NSUN6: variants seen among roughly 807,000 people sequenced by gnomAD.
The protein encoded by NSUN6 is NOP2/Sun RNA methyltransferase 6.
A neutral mutation model predicts 58.0 loss-of-function variants in NSUN6; 64 were observed. The ratio of observed to expected loss-of-function variants is 1.10; its 90% CI spans 0.90 to 1.36. The LOEUF (loss-of-function observed/expected upper bound fraction) is 1.36, where lower values mean the gene tolerates loss of function less well. Ranked by LOEUF, NSUN6 falls within the 40% of genes most tolerant of loss-of-function variation. The pLI is 0.00. For missense variants in NSUN6, 701 were observed against 550.1 expected (o/e 1.27, Z -2.74); for synonymous variants, 231 against 193.9 (o/e 1.19, Z -1.59).
At chr10:18,571,044 T>C (rs1047115714) in intron 8 of NSUN6, among the ~76,000 whole-genome samples, 2 of 150,966 alleles carry the variant, frequency 1.3e-5, no homozygotes, top group Non-Finnish European at 3.0e-5. Context: ...CTACTTTCCA[T>C]TCCACTCTCC....
chr10:18,652,569 C>CT (rs532727978), upstream of NSUN6: 148,959 of 866,194 alleles, frequency 0.17, 539 homozygotes, highest in Non-Finnish European at 0.18. Flanking sequence ...TTTCTCTGCT[C>CT]TTTTTTTTTT....
upstream of NSUN6, chr10:18,658,455 G>A (rs1482374023): frequency 6.4e-6 from 1 of 155,196 alleles, no homozygotes; most frequent in Non-Finnish European, 1.4e-5. Flanking sequence ...ATTCAGTTTC[G>A]TTTCATGCCA....
intron 3 of NSUN6, among the ~76,000 whole-genome samples, chr10:18,639,629 G>A (rs1465512864): frequency 1.3e-5 from 2 of 151,580 alleles, no homozygotes; most frequent in Non-Finnish European, 1.5e-5. Flanking sequence ...AGGCTTCCCT[G>A]CAATAGCTCA....
chr10:18,617,891 T>C (rs1169677552), intron 3 of NSUN6, among the ~76,000 whole-genome samples: 1 of 152,188 alleles, frequency 6.6e-6, no homozygotes. Context: ...CTCTACCATG[T>C]ACAGATGCAG....
chr10:18,638,980 C>G (rs1258267470), intron 3 of NSUN6, among the ~76,000 whole-genome samples: 1 of 148,778 alleles, frequency 6.7e-6, no homozygotes, highest in Non-Finnish European at 1.5e-5. Context: ...ACTGGCCGGC[C>G]ATGGTGGCTG....
intron 8 of NSUN6, among the ~76,000 whole-genome samples, chr10:18,563,016 G>A (rs1409408118): frequency 3.3e-5 from 5 of 151,046 alleles, no homozygotes; most frequent in Admixed American, 2.7e-4. Context: ...ATGGAGAATG[G>A]AATGGAGAAT....
chr10:18,596,374 T>A, intron 6 of NSUN6, 47 bp from the exon 7 acceptor site: 1 of 1,364,032 alleles, frequency 7.3e-7, no homozygotes, highest in Non-Finnish European at 1.0e-6. Context: ...CTAAAGCATT[T>A]TTAATTTGAG....
intron 6 of NSUN6, among the ~76,000 whole-genome samples, chr10:18,604,883 C>CTT (rs1189835432): frequency 7.2e-6 from 1 of 139,840 alleles, no homozygotes; most frequent in Admixed American, 7.2e-5. Flanking sequence ...AAGACTCTTT[C>CTT]TTTTTTTTTT....
At chr10:18,646,840 CA>C (rs921029932) in intron 2 of NSUN6, among the ~76,000 whole-genome samples, 16 of 151,738 alleles carry the variant, frequency 1.1e-4, no homozygotes, top group African/African-American at 3.9e-4. Flanking sequence ...CAAAACAAAA[CA>C]AAAAAAATCT....
At chr10:18,573,997 G>T (rs1187054377) in intron 8 of NSUN6, among the ~76,000 whole-genome samples, 1 of 152,078 alleles carries the variant, frequency 6.6e-6, no homozygotes, top group African/African-American at 2.4e-5. Flanking sequence ...ATCAAGTCGA[G>T]GAGCTGAAGG....
At chr10:18,574,336 A>T (rs1193999679) in intron 8 of NSUN6, among the ~76,000 whole-genome samples, 1 of 152,178 alleles carries the variant, frequency 6.6e-6, no homozygotes, top group Non-Finnish European at 1.5e-5. Context: ...CGAGAATCTT[A>T]AAGTATGAAG....
intron 3 of NSUN6, among the ~76,000 whole-genome samples, chr10:18,624,383 A>G (rs1024349305): frequency 6.6e-6 from 1 of 152,014 alleles, no homozygotes; most frequent in Non-Finnish European, 1.5e-5. Context: ...AGACAGGCCT[A>G]ACAACAAATG....
intron 3 of NSUN6, among the ~76,000 whole-genome samples, chr10:18,626,231 G>A (rs2058798321): frequency 6.7e-6 from 1 of 150,342 alleles, no homozygotes; most frequent in East Asian, 2.0e-4. Flanking sequence ...GCTTGACAAT[G>A]TTTAAAAAAA....
chr10:18,571,184 C>A (rs2056339457), intron 8 of NSUN6, among the ~76,000 whole-genome samples: 1 of 151,374 alleles, frequency 6.6e-6, no homozygotes, highest in South Asian at 2.1e-4. Context: ...ATTCTCCATT[C>A]CATTCCCTTC....
At chr10:18,573,893 T>A (rs953630308) in intron 8 of NSUN6, among the ~76,000 whole-genome samples, 1 of 152,140 alleles carries the variant, frequency 6.6e-6, no homozygotes, top group Non-Finnish European at 1.5e-5. Flanking sequence ...CTGCCACTTA[T>A]GGATTGACTC....
At chr10:18,575,333 T>C (rs1407012595) in intron 8 of NSUN6, among the ~76,000 whole-genome samples, 4 of 152,212 alleles carry the variant, frequency 2.6e-5, no homozygotes, top group African/African-American at 4.8e-5. Context: ...AGTATCCAAG[T>C]TGATTACACA....
chr10:18,611,576 C>G lies in NSUN6; in HGVS notation c.576-1650G>C, dbSNP rs997687565. On this transcript the variant is annotated intron_variant, in intron 5 of 10. Coordinates refer to ENST00000377304, the MANE Select transcript of NSUN6 (RefSeq NM_182543.5). Reference sequence around the variant, plus strand: ...ACAGGGTCTCACTCTGTCACGCAGGCTGGAGCGCAGTGGCACAATCATAGC... The same window carrying G: ...ACAGGGTCTCACTCTGTCACGCAGGGTGGAGCGCAGTGGCACAATCATAGC... Among the ~76,000 whole-genome samples, 17 of 152,256 alleles carry G rather than the reference C, an allele frequency of 1.1e-4. No individual in the cohort carries two copies. In the South Asian group the frequency reaches 1.7e-3, roughly 15 times the overall value.
chr10:18,634,518 G>A (rs1456226050), intron 3 of NSUN6, among the ~76,000 whole-genome samples: 1 of 151,842 alleles, frequency 6.6e-6, no homozygotes, highest in African/African-American at 2.4e-5. Context: ...TTGGGAGGCT[G>A]AGGAGGGTGG....
chr10:18,577,979 T>C (rs1201523187), intron 8 of NSUN6, among the ~76,000 whole-genome samples: 1 of 152,206 alleles, frequency 6.6e-6, no homozygotes, highest in East Asian at 1.9e-4. Flanking sequence ...CTTGTCCAAG[T>C]GTGAGCTTAC....
Sources: gnomAD v4.1 joint callset for allele counts (sites outside exome capture counted in the v4.1 genomes callset) on GRCh38, gnomAD v4.1.1 for gene constraint, MANE v1.5 for transcripts, NCBI Gene and HGNC (gene_info 2026-07-23, HGNC 2026-07-21) for gene names.